GALNTL6: variants seen among roughly 807,000 people sequenced by gnomAD.
GALNTL6 encodes the protein polypeptide N-acetylgalactosaminyltransferase like 6.
In GALNTL6, 46 loss-of-function variants were observed where a neutral mutation model predicts 73.7. That is an observed-to-expected ratio of 0.62 (90% CI 0.49 to 0.80). The LOEUF (loss-of-function observed/expected upper bound fraction) is 0.80, where lower values mean the gene tolerates loss of function less well. Ranked by LOEUF, GALNTL6 falls within the 30% of genes least tolerant of loss-of-function variation. GALNTL6 has a pLI of 0.00. For missense variants in GALNTL6, 604 were observed against 755.0 expected, an observed-to-expected ratio of 0.80 and a Z score of 2.34; for synonymous variants, 259 against 263.7, an observed-to-expected ratio of 0.98 and a Z score of 0.17.
At chr4:172,798,905 G>C (rs1469494285) in intron 5 of GALNTL6, among the ~76,000 whole-genome samples, 2 of 152,140 alleles carry the variant, frequency 1.3e-5, no homozygotes, top group South Asian at 4.2e-4. Context: ...TTTTAAAGTA[G>C]TTTCTTCATA....
chr4:172,883,870 A>G (rs1408046858), intron 8 of GALNTL6, among the ~76,000 whole-genome samples: 1 of 151,384 alleles, frequency 6.6e-6, no homozygotes, highest in African/African-American at 2.4e-5. Flanking sequence ...AGCTCCCCAT[A>G]TGAGCTAGGA....
chr4:171,889,598 G>A (rs1426801116), intron 2 of GALNTL6, among the ~76,000 whole-genome samples: 1 of 152,044 alleles, frequency 6.6e-6, no homozygotes, highest in Non-Finnish European at 1.5e-5. Context: ...TCATACTGAA[G>A]AATCACATTA....
chr4:172,578,489 A>C (rs1737046401), intron 5 of GALNTL6, among the ~76,000 whole-genome samples: 1 of 152,358 alleles, frequency 6.6e-6, no homozygotes, highest in African/African-American at 2.4e-5. Flanking sequence ...AAAACTGAAA[A>C]AAATATGTTT....
intron 3 of GALNTL6, among the ~76,000 whole-genome samples, chr4:172,310,373 C>T (rs1740311560): frequency 6.6e-6 from 1 of 151,844 alleles, no homozygotes; most frequent in East Asian, 1.9e-4. Context: ...TGGGTTCAAG[C>T]GATTTTCATT....
In GALNTL6 at chr4:172,595,471, A is replaced by C. The variant is rs553206014; in HGVS notation, c.554-213890A>C. Among the ~76,000 whole-genome samples the C allele has an allele frequency of 2.6e-4, 40 of 152,294 alleles. No homozygotes were observed. The Middle Eastern group carries it at 0.01, about 39-fold the overall frequency. On this transcript the variant is annotated intron_variant, in intron 5 of 12. Transcript: ENST00000506823. Reference sequence around the variant, plus strand: ...AACCCATCTAGTGTTAAGAGAGATCACAATAAAAATATTTTACTTAAACAC... The same window carrying C: ...AACCCATCTAGTGTTAAGAGAGATCCCAATAAAAATATTTTACTTAAACAC...
chr4:172,567,681 C>T (rs1736606984), intron 5 of GALNTL6, among the ~76,000 whole-genome samples: 1 of 151,974 alleles, frequency 6.6e-6, no homozygotes. Flanking sequence ...ATTAAAAATA[C>T]AAAAATTAAC....
intron 2 of GALNTL6, among the ~76,000 whole-genome samples, chr4:171,900,737 CAAG>C (rs1455021532): frequency 6.6e-6 from 1 of 151,714 alleles, no homozygotes; most frequent in Non-Finnish European, 1.5e-5. Context: ...GTAAATGAAA[CAAG>C]AAAACAATCA....
intron 8 of GALNTL6, among the ~76,000 whole-genome samples, chr4:172,930,064 G>C (rs1340702431): frequency 1.3e-5 from 2 of 152,126 alleles, no homozygotes; most frequent in Admixed American, 1.3e-4. Context: ...ATCACCTGAG[G>C]TCAGGAGTTC....
intron 5 of GALNTL6, among the ~76,000 whole-genome samples, chr4:172,690,482 T>C (rs1027570967): frequency 1.3e-5 from 2 of 152,204 alleles, no homozygotes; most frequent in African/African-American, 2.4e-5. Context: ...TAGATTTTAA[T>C]GTGCCTAATA....
intron 5 of GALNTL6, among the ~76,000 whole-genome samples, chr4:172,721,818 G>A (rs940954965): frequency 2.0e-5 from 3 of 152,088 alleles, no homozygotes; most frequent in Non-Finnish European, 4.4e-5. Flanking sequence ...TCTACTTCTC[G>A]TTATGTCTAA....
chr4:172,807,342 TATC>T (rs1741023787), intron 5 of GALNTL6, among the ~76,000 whole-genome samples: 1 of 152,236 alleles, frequency 6.6e-6, no homozygotes, highest in Admixed American at 6.5e-5. Context: ...GATGATGAAT[TATC>T]AAAATCTCAC....
At chr4:171,882,364 G>A (rs1004169434) in intron 2 of GALNTL6, among the ~76,000 whole-genome samples, 2 of 152,102 alleles carry the variant, frequency 1.3e-5, no homozygotes, top group African/African-American at 4.8e-5. Context: ...ATTGTATTAG[G>A]GTTCTCTAGA....
At chr4:172,011,010 A>T (rs769269488) in intron 2 of GALNTL6, among the ~76,000 whole-genome samples, 1 of 152,132 alleles carries the variant, frequency 6.6e-6, no homozygotes, top group Non-Finnish European at 1.5e-5. Context: ...AGAGCCTGCC[A>T]TTTAGTAAGA....
intron 2 of GALNTL6, among the ~76,000 whole-genome samples, chr4:172,045,066 G>T (rs1450715297): frequency 6.6e-6 from 1 of 151,960 alleles, no homozygotes; most frequent in East Asian, 1.9e-4. Flanking sequence ...GCTTTTCATT[G>T]TTCATGATAT....
chr4:172,678,140 G>A lies in GALNTL6; in HGVS notation c.554-131221G>A, dbSNP rs76540585. On this transcript the variant is annotated intron_variant, in intron 5 of 12. Coordinates refer to ENST00000506823, the MANE Select transcript of GALNTL6 (RefSeq NM_001034845.3). Reference sequence around the variant, plus strand: ...TCCTCAGGCAGGCTTTCCTAAAATGGCCTGTTTTCAACTGAGGCCTACAGG... The same window carrying A: ...TCCTCAGGCAGGCTTTCCTAAAATGACCTGTTTTCAACTGAGGCCTACAGG... Among the ~76,000 whole-genome samples the A allele has an allele frequency of 1.5e-4, 23 of 152,176 alleles. No individual in the cohort carries two copies. The East Asian group carries it at 3.5e-3, about 23-fold the overall frequency.
At chr4:172,793,083 C>A (rs1261979882) in intron 5 of GALNTL6, among the ~76,000 whole-genome samples, 1 of 152,116 alleles carries the variant, frequency 6.6e-6, no homozygotes, top group Non-Finnish European at 1.5e-5. Context: ...AGGACTGCAC[C>A]CTGTATTTCC....
intron 2 of GALNTL6, among the ~76,000 whole-genome samples, chr4:172,048,017 C>T (rs978785547): frequency 1.3e-5 from 2 of 152,058 alleles, no homozygotes; most frequent in Admixed American, 6.6e-5. Context: ...CTAATAACAT[C>T]GCAAACTCTT....
intron 9 of GALNTL6, among the ~76,000 whole-genome samples, chr4:172,940,523 C>T (rs1748862122): frequency 6.6e-6 from 1 of 151,498 alleles, no homozygotes; most frequent in Non-Finnish European, 1.5e-5. Flanking sequence ...CCACCATGCC[C>T]AGCTAATTTT....
At position 172,156,539 on chromosome 4, in the gene GALNTL6, TAATATATATATATATATATATATATATAC is replaced by T. The variant is rs1560945510; in HGVS notation, c.139-73115_139-73087del. 6.3e-5 allele frequency among the ~76,000 whole-genome samples: 3 copies of T among 47,716 alleles called. 1 individual carries two copies. Among genetic ancestry groups the T allele is most frequent in the African/African-American group, 3.5e-4 (3 of 8,468 alleles). 31.3% of individuals were successfully genotyped at this position (47,716 alleles called of 152,430 possible). A position where few individuals can be genotyped will look rare whatever the true frequency, so the allele number is the denominator to read the frequency against. On this transcript the variant is annotated intron_variant, in intron 2 of 12. Coordinates refer to ENST00000506823, the MANE Select transcript of GALNTL6 (RefSeq NM_001034845.3). ...TTGACTTTAAATATACATATATATA[TAATATATATATATATATATATATATATAC>T]ATACTATATATATATAGTATATTGT...
Sources: gnomAD v4.1 joint callset for allele counts (sites outside exome capture counted in the v4.1 genomes callset) on GRCh38, gnomAD v4.1.1 for gene constraint, MANE v1.5 for transcripts, NCBI Gene and HGNC (gene_info 2026-07-23, HGNC 2026-07-21) for gene names.